Variants in NOTO observed in about 807,000 individuals in gnomAD.
NOTO encodes the protein notochord homeobox.
A neutral mutation model predicts 20.5 loss-of-function variants in NOTO; 19 were observed. The observed-to-expected ratio is 0.93, with a 90% CI of 0.65 to 1.36. The LOEUF (loss-of-function observed/expected upper bound fraction) is 1.36, where lower values mean the gene tolerates loss of function less well. NOTO is among the 40% of genes most tolerant of loss of function. NOTO has a pLI of 0.00. For missense variants in NOTO, 369 were observed against 336.2 expected, an observed-to-expected ratio of 1.10 and a Z score of -0.76; for synonymous variants, 150 against 150.2, an observed-to-expected ratio of 1.00 and a Z score of 0.01.
At chr2:73,206,868 C>T (rs567638117) in intron 1 of NOTO, among the ~76,000 whole-genome samples, 7 of 146,564 alleles carry the variant, frequency 4.8e-5, no homozygotes, top group Non-Finnish European at 8.9e-5. Context: ...AACCTTGGCT[C>T]ACTGCAACTT....
intron 1 of NOTO, among the ~76,000 whole-genome samples, chr2:73,206,362 T>G (rs777128673): frequency 7.9e-5 from 12 of 152,158 alleles, no homozygotes; most frequent in Non-Finnish European, 1.3e-4. Flanking sequence ...TAGTTGTTGT[T>G]GTTGAGACGG....
intron 2 of NOTO, 115 bp downstream of exon 2, chr2:73,208,729 T>C: frequency 1.5e-6 from 1 of 686,772 alleles, no homozygotes; most frequent in Non-Finnish European, 2.5e-6. Flanking sequence ...TGTGCCAGGC[T>C]GTTGAGGGGA....
At chr2:73,205,049 T>A (rs1686071813) in intron 1 of NOTO, among the ~76,000 whole-genome samples, 1 of 151,992 alleles carries the variant, frequency 6.6e-6, no homozygotes, top group Non-Finnish European at 1.5e-5. Context: ...CCTGGCTAAT[T>A]TTTTGTATTT....
intron 2 of NOTO, among the ~76,000 whole-genome samples, chr2:73,208,852 A>C (rs1268374582): frequency 6.6e-6 from 1 of 152,182 alleles, no homozygotes; most frequent in Non-Finnish European, 1.5e-5. Context: ...AAAAATTGAT[A>C]ATAAAGGATT....
Position 73,208,633 on chromosome 2 carries a change from A to G in NOTO, c.597+19A>G, listed in dbSNP as rs1051649401. ...GAACCAGGTGGGAGTAGGGACTCCT[A>G]TTGGGCCTGGGCTGCACCTGGGGAC... On this transcript the variant is annotated intron_variant, in intron 2 of 2. Transcript: ENST00000398468. 1.1e-5 allele frequency: 17 copies of G among 1,505,910 alleles called. No individual in the cohort carries two copies. Among genetic ancestry groups the G allele is most frequent in the Admixed American group, 3.9e-5 (2 of 50,924 alleles). The allele number at this position is 1,505,910 out of a possible 1,614,324, so 93.3% of individuals were successfully genotyped here.
chr2:73,202,812 TCTCGGTCGAGGCCA>T lies in NOTO; in HGVS notation c.147_160del (p.Ser50ProfsTer99). ...GCTCCCGGACGCTTCGAGTCCCCTT[TCTCGGTCGAGGCCA>T]TCCTGGCGAGGCCCGACCCCTGCGC... On this transcript the variant is annotated frameshift_variant, in exon 1 of 3. Transcript: ENST00000398468. LOFTEE classifies it high-confidence loss of function. 1 of 1,526,016 alleles carries T rather than the reference TCTCGGTCGAGGCCA, an allele frequency of 6.6e-7. No individual in the cohort carries two copies. Among genetic ancestry groups the T allele is most frequent in the South Asian group, 1.2e-5 (1 of 83,100 alleles). 94.5% of individuals were successfully genotyped at this position (1,526,016 alleles called of 1,614,324 possible). A position where few individuals can be genotyped will look rare whatever the true frequency, so the allele number is the denominator to read the frequency against.
Position 73,210,982 on chromosome 2 carries a change from T to G in NOTO, c.*53T>G. 6.8e-7 allele frequency: 1 copy of G among 1,464,488 alleles called. No individual in the cohort carries two copies. The highest frequency in any genetic ancestry group is 9.2e-7 in the Non-Finnish European group (1 of 1,085,340). 90.7% of individuals were successfully genotyped at this position (1,464,488 alleles called of 1,614,324 possible). A position where few individuals can be genotyped will look rare whatever the true frequency, so the allele number is the denominator to read the frequency against. On this transcript the variant is annotated 3_prime_UTR_variant, in exon 3 of 3. Transcript: ENST00000398468. ...TGCCTGGACTAGTTCCTCCTGGGGG[T>G]ACCCACTGGAGCTCCCTGCCTCACA... is the stretch of plus-strand genomic sequence containing the variant.
intron 1 of NOTO, among the ~76,000 whole-genome samples, chr2:73,207,557 A>AT (rs1395211006): frequency 1.6e-3 from 238 of 149,694 alleles, no homozygotes; most frequent in African/African-American, 3.9e-3. Flanking sequence ...ATGACTCCCA[A>AT]TTTTTTTTTT....
At chr2:73,205,492 T>C (rs1686077208) in intron 1 of NOTO, among the ~76,000 whole-genome samples, 1 of 152,196 alleles carries the variant, frequency 6.6e-6, no homozygotes. Flanking sequence ...AACAAGACAC[T>C]GTCTCAAAAA....
In NOTO at chr2:73,202,725, G is replaced by A. The variant is rs1457204741; in HGVS notation, c.59G>A (p.Arg20Gln). ...CCCGCTCCCTCGGGCTCTCGGGTCC[G>A]ACCTCCGCGCTCTGGCCGCTCTCCG... Reference protein sequence around the residue: ...PPPAPSGSRVRPPRSGRSPAP... With the variant: ...PPPAPSGSRVQPPRSGRSPAP... The change falls in exon 1 of 3, where the codon CGA (arginine) becomes CAA (glutamine). Residue 20 changes from arginine (R) to glutamine (Q), a missense_variant. Arg to Gln is a conservative substitution (Grantham distance 43). Coordinates refer to ENST00000398468, the MANE Select transcript of NOTO (RefSeq NM_001134462.2). The A allele has an allele frequency of 3.9e-6, 6 of 1,519,090 alleles. No individual in the cohort carries two copies. Among genetic ancestry groups the A allele is most frequent in the Middle Eastern group, 1.9e-4 (1 of 5,298 alleles). 94.1% of individuals were successfully genotyped at this position (1,519,090 alleles called of 1,614,324 possible). A position where few individuals can be genotyped will look rare whatever the true frequency, so the allele number is the denominator to read the frequency against.
intron 2 of NOTO, among the ~76,000 whole-genome samples, chr2:73,209,062 C>T (rs1686129964): frequency 6.6e-6 from 1 of 151,234 alleles, no homozygotes; most frequent in South Asian, 2.1e-4. Flanking sequence ...ATAATCCCAG[C>T]TACTTAGGAG....
At chr2:73,210,233 C>T (rs1386910958) in intron 2 of NOTO, among the ~76,000 whole-genome samples, 2 of 152,236 alleles carry the variant, frequency 1.3e-5, no homozygotes, top group African/African-American at 4.8e-5. Context: ...TTTCTCCTCT[C>T]ACTGTCATCC....
chr2:73,207,309 T>G (rs1686102278), intron 1 of NOTO, among the ~76,000 whole-genome samples: 1 of 152,126 alleles, frequency 6.6e-6, no homozygotes, highest in African/African-American at 2.4e-5. Context: ...CTCCCTTTGT[T>G]GGGGCAGTCT....
intron 2 of NOTO, among the ~76,000 whole-genome samples, chr2:73,209,280 T>C (rs1413563419): frequency 6.6e-6 from 1 of 152,050 alleles, no homozygotes; most frequent in Admixed American, 6.6e-5. Flanking sequence ...AGCTATTATA[T>C]AATTTCTCTG....
chr2:73,203,859 G>C (rs1247176919), intron 1 of NOTO, among the ~76,000 whole-genome samples: 1 of 90,418 alleles, frequency 1.1e-5, no homozygotes, highest in African/African-American at 6.8e-5. Context: ...CCAGCACTTT[G>C]GGAGGCCGAG....
At position 73,202,804 on chromosome 2, in the gene NOTO, G is replaced by A; in HGVS notation, c.138G>A (p.Glu46=). ...PNTPRAPGRF[E]SPFSVEAILA... ...CGCCCCGCGCTCCCGGACGCTTCGA[G>A]TCCCCTTTCTCGGTCGAGGCCATCC... is the stretch of plus-strand genomic sequence containing the variant. Residue 46 remains glutamate (E), a synonymous_variant, in exon 1 of 3, where the codon GAG becomes GAA. Transcript: ENST00000398468. 2 of 1,526,136 alleles carry A rather than the reference G, an allele frequency of 1.3e-6. No homozygotes were observed. The highest frequency in any genetic ancestry group is 2.5e-5 in the East Asian group (1 of 39,364). The allele number at this position is 1,526,136 out of a possible 1,614,324, so 94.5% of individuals were successfully genotyped here. A position where few individuals can be genotyped will look rare whatever the true frequency, so the allele number is the denominator to read the frequency against.
chr2:73,209,997 T>C (rs1362515057), intron 2 of NOTO, among the ~76,000 whole-genome samples: 2 of 152,128 alleles, frequency 1.3e-5, no homozygotes, highest in East Asian at 3.8e-4. Flanking sequence ...TCACCCCTAA[T>C]GTACGCCCCA....
chr2:73,210,864 G>C lies in NOTO; in HGVS notation c.691G>C (p.Glu231Gln), dbSNP rs974340166. ...ATCTGCCGAGGCTGCCTCCCTGGAT[G>C]AGCCTTCCAGCAGCTCCATCGCCAG... is the stretch of plus-strand genomic sequence containing the variant. ...VTSAEAASLD[E>Q]PSSSSIASIQ... is the part of the protein sequence containing the mutation. The change falls in exon 3 of 3, where the codon GAG (glutamate) becomes CAG (glutamine). Residue 231 changes from glutamate to glutamine, a missense_variant. Glu to Gln is a conservative substitution (Grantham distance 29). Transcript: ENST00000398468. The C allele has an allele frequency of 1.3e-6, 2 of 1,551,668 alleles. No individual in the cohort carries two copies. The highest frequency in any genetic ancestry group is 8.7e-7 in the Non-Finnish European group (1 of 1,146,954).
At chr2:73,207,792 C>T (rs1336044718) in intron 1 of NOTO, among the ~76,000 whole-genome samples, 2 of 152,068 alleles carry the variant, frequency 1.3e-5, no homozygotes, top group African/African-American at 4.8e-5. Flanking sequence ...TGATCTCAAG[C>T]GATCCGCCCC....
Sources: allele counts gnomAD v4.1 joint callset (sites outside exome capture counted in the v4.1 genomes callset), GRCh38; gene constraint gnomAD v4.1.1; transcripts MANE v1.5; gene names NCBI Gene and HGNC (gene_info 2026-07-23, HGNC 2026-07-21).